RNF214: variants seen among roughly 807,000 people sequenced by gnomAD.
RNF214 encodes ring finger protein 214.
A neutral mutation model predicts 75.9 loss-of-function variants in RNF214; 25 were observed. That is an observed-to-expected ratio of 0.33 (90% confidence interval 0.24 to 0.46). RNF214 has a LOEUF of 0.46. Among genes scored for constraint, RNF214 ranks in the 20% least tolerant of loss-of-function variants. RNF214 has a pLI of 1.00. For missense variants in RNF214, 725 were observed against 857.5 expected (o/e 0.85, Z 1.93); for synonymous variants, 314 against 308.8 (o/e 1.02, Z -0.18).
At chr11:117,278,397 A>G (rs939879029) in intron 6 of RNF214, among the ~76,000 whole-genome samples, 2 of 152,194 alleles carry the variant, frequency 1.3e-5, no homozygotes, top group African/African-American at 2.4e-5. Context: ...AAGTATTTTC[A>G]TCCTATTCTG....
At chr11:117,252,203 T>C (rs955539073) in intron 6 of RNF214, among the ~76,000 whole-genome samples, 1 of 152,132 alleles carries the variant, frequency 6.6e-6, no homozygotes, top group African/African-American at 2.4e-5. Flanking sequence ...ACTTGGGCAG[T>C]TGGAAAATGG....
chr11:117,258,759 C>T (rs561211921), intron 6 of RNF214, among the ~76,000 whole-genome samples: 2 of 152,230 alleles, frequency 1.3e-5, no homozygotes, highest in East Asian at 1.9e-4. Flanking sequence ...TGTGCCTTCT[C>T]AGTCAGTCCC....
chr11:117,246,749 C>G, intron 5 of RNF214, 60 bp from the exon 6 acceptor site: 1 of 1,428,218 alleles, frequency 7.0e-7, no homozygotes, highest in Non-Finnish European at 9.3e-7. Flanking sequence ...ACCTTTGCAT[C>G]AAAAGAACTA....
In RNF214 at chr11:117,285,157, C is replaced by T. The variant is rs1451530784; in HGVS notation, c.*6C>T. ...TTTGTCCAACTCTTAAATGACGGAC[C>T]TGACTGGGGAGGAAGAAGAAGAGAA... On this transcript the variant is annotated 3_prime_UTR_variant, in exon 15 of 15. Transcript: ENST00000300650. The T allele has an allele frequency of 6.2e-6, 10 of 1,600,166 alleles. No homozygotes were observed. The highest frequency in any genetic ancestry group is 8.6e-6 in the Non-Finnish European group (10 of 1,167,304).
chr11:117,242,009 T>A (rs1033764632), intron 4 of RNF214, among the ~76,000 whole-genome samples: 8 of 152,234 alleles, frequency 5.3e-5, no homozygotes, highest in Non-Finnish European at 1.2e-4. Flanking sequence ...AAGCTTTTAG[T>A]CAAATTCCAT....
At chr11:117,277,520 T>C (rs1203956479) in intron 6 of RNF214, among the ~76,000 whole-genome samples, 1 of 152,166 alleles carries the variant, frequency 6.6e-6, no homozygotes, top group Non-Finnish European at 1.5e-5. Flanking sequence ...TCTCTACCTA[T>C]ACATGAAATA....
At position 117,253,285 on chromosome 11, in the gene RNF214, T is replaced by C. The variant is rs903443587; in HGVS notation, c.959+6337T>C. ...TTAGGATTACAGGCGTGAACCACTG[T>C]GCCTGGTCTAATTATAATTTTTAAA... On this transcript the variant is annotated intron_variant, in intron 6 of 14. Coordinates refer to ENST00000300650, the MANE Select transcript of RNF214 (RefSeq NM_207343.4). Among the ~76,000 whole-genome samples, 29 of 152,242 alleles carry C rather than the reference T, an allele frequency of 1.9e-4. 2 individuals carry two copies. Among genetic ancestry groups the C allele is most frequent in the Non-Finnish European group, 1.5e-5 (1 of 68,040 alleles).
chr11:117,262,362 C>T (rs676305), intron 6 of RNF214, among the ~76,000 whole-genome samples: 18,102 of 152,148 alleles, frequency 0.12, 1,053 homozygotes, highest in Middle Eastern at 0.15. Flanking sequence ...GCTGGGATTA[C>T]AGGCTTGAGC....
chr11:117,243,589 C>G (rs2033137783), intron 4 of RNF214, among the ~76,000 whole-genome samples: 1 of 152,144 alleles, frequency 6.6e-6, no homozygotes, highest in South Asian at 2.1e-4. Flanking sequence ...CTACTTCATA[C>G]TAAATGTGTT....
chr11:117,239,268 C>T (rs2033004918), intron 3 of RNF214, 157 bp downstream of exon 3: 1 of 667,378 alleles, frequency 1.5e-6, no homozygotes, highest in African/African-American at 1.8e-5. Flanking sequence ...CAGTGCCATA[C>T]AATGACTTCA....
chr11:117,269,799 C>A (rs2033871199), intron 6 of RNF214, among the ~76,000 whole-genome samples: 1 of 152,202 alleles, frequency 6.6e-6, no homozygotes, highest in African/African-American at 2.4e-5. Context: ...ACTAGGAAAA[C>A]AATACACATT....
chr11:117,279,040 T>G (rs2034073020), intron 6 of RNF214, among the ~76,000 whole-genome samples: 1 of 152,152 alleles, frequency 6.6e-6, no homozygotes, highest in African/African-American at 2.4e-5. Flanking sequence ...GAGGCTGCAG[T>G]GAACCAAGGT....
intron 6 of RNF214, among the ~76,000 whole-genome samples, chr11:117,261,779 G>T (rs1270523901): frequency 6.6e-6 from 1 of 151,698 alleles, no homozygotes; most frequent in Non-Finnish European, 1.5e-5. Flanking sequence ...CCGAGTAGCT[G>T]GGATTACTGG....
At chr11:117,241,814 A>G (rs535014135) in intron 4 of RNF214, among the ~76,000 whole-genome samples, 1 of 152,214 alleles carries the variant, frequency 6.6e-6, no homozygotes, top group African/African-American at 2.4e-5. Context: ...CATTCTGGTT[A>G]CTTTCACTTA....
rs999805617 is a variant in RNF214, at chr11:117,263,838, T to C, written c.960-16070T>C. On this transcript the variant is annotated intron_variant, in intron 6 of 14. Coordinates refer to ENST00000300650, the MANE Select transcript of RNF214 (RefSeq NM_207343.4). ...GCTTTTTCTACTCCCCTCTGCTTTT[T>C]TGGTCCCCCTGTGCTCAGTTCTAAC... 5 of 250,044 alleles carry C rather than the reference T, an allele frequency of 2.0e-5. No homozygotes were observed. In the Admixed American group the frequency reaches 2.0e-4, roughly 10 times the overall value. The allele number at this position is 250,044 out of a possible 1,614,324, so 15.5% of individuals were successfully genotyped here. A position where few individuals can be genotyped will look rare whatever the true frequency, so the allele number is the denominator to read the frequency against.
intron 6 of RNF214, among the ~76,000 whole-genome samples, chr11:117,265,344 G>A (rs2033772824): frequency 6.6e-6 from 1 of 152,048 alleles, no homozygotes; most frequent in African/African-American, 2.4e-5. Flanking sequence ...TAATTTTCTT[G>A]GATAAAGTAT....
chr11:117,251,955 A>G (rs542661876), intron 6 of RNF214, among the ~76,000 whole-genome samples: 44 of 152,298 alleles, frequency 2.9e-4, no homozygotes, highest in African/African-American at 7.7e-4. Context: ...TGCAACCTCC[A>G]CTTCCTGTGT....
chr11:117,246,095 A>G (rs1316609560), intron 5 of RNF214, among the ~76,000 whole-genome samples: 4 of 152,024 alleles, frequency 2.6e-5, no homozygotes, highest in Non-Finnish European at 5.9e-5. Context: ...CCTCTCGAGT[A>G]TCTGGACTAC....
Position 117,239,831 on chromosome 11 carries a change from A to G in RNF214, c.649A>G (p.Asn217Asp). ...CTTTAAGACAGCTGATTCAGAGGTA[A>G]ACACAGATCAAGATATTGAAAAGAA... ...TDFKTADSEV[N>D]TDQDIEKNLD... Residue 217 changes from asparagine to aspartate, a missense_variant, in exon 4 of 15, where the codon AAC (asparagine) becomes GAC (aspartate). This residue lies in a region of RNF214 where 362 missense variants were observed against 344.5 expected (regional missense o/e 1.05). Coordinates refer to ENST00000300650, the MANE Select transcript of RNF214 (RefSeq NM_207343.4). The G allele has an allele frequency of 6.4e-7, 1 of 1,563,574 alleles. No individual in the cohort carries two copies. Among genetic ancestry groups the G allele is most frequent in the Non-Finnish European group, 8.8e-7 (1 of 1,134,152 alleles).
Sources: allele counts gnomAD v4.1 joint callset (sites outside exome capture counted in the v4.1 genomes callset), GRCh38; gene constraint gnomAD v4.1.1; regional missense constraint gnomAD v4.1.1; transcripts MANE v1.5; gene names NCBI Gene and HGNC (gene_info 2026-07-23, HGNC 2026-07-21).